HPSE2: variants seen among roughly 807,000 people sequenced by gnomAD.
The protein encoded by HPSE2 is inactive heparanase-2.
Under a neutral mutation model 60.5 loss-of-function variants are expected in HPSE2, and 38 were observed. The ratio of observed to expected loss-of-function variants is 0.63; its 90% confidence interval spans 0.48 to 0.82. The LOEUF is 0.82. Among genes scored for constraint, HPSE2 ranks in the 40% least tolerant of loss-of-function variants. The pLI, the probability that HPSE2 is intolerant of heterozygous loss-of-function variation, is 0.00. For missense variants in HPSE2, 713 were observed against 740.4 expected, an observed-to-expected ratio of 0.96 and a Z score of 0.43; for synonymous variants, 295 against 293.2, an observed-to-expected ratio of 1.01 and a Z score of -0.06.
chr10:98,929,988 A>T lies in HPSE2; in HGVS notation c.611-185932T>A, dbSNP rs939085295. Among the ~76,000 whole-genome samples, 22 of 143,458 alleles carry T rather than the reference A, an allele frequency of 1.5e-4. 2 individuals are homozygous for T. Among genetic ancestry groups the T allele is most frequent in the East Asian group, 5.9e-4 (3 of 5,076 alleles). 94.1% of individuals were successfully genotyped at this position (143,458 alleles called of 152,430 possible). ...ATCTCTTGTATATGAGTGCTTTTTT[A>T]AAAAAAATTAAGTTCTGGGATACCT... On this transcript the variant is annotated intron_variant, in intron 3 of 11. Coordinates refer to ENST00000370552, the MANE Select transcript of HPSE2 (RefSeq NM_021828.5).
In HPSE2 at chr10:99,009,064, T is replaced by C. The variant is rs193231086; in HGVS notation, c.610+135174A>G. Among the ~76,000 whole-genome samples, 111 of 152,154 alleles carry C rather than the reference T, an allele frequency of 7.3e-4. 2 individuals carry two copies. The highest frequency in any genetic ancestry group is 5.4e-3 in the South Asian group (26 of 4,814). The stretch of plus-strand genomic sequence containing the variant: ...AAAATCTGCATTTTTGGTTCAATTA[T>C]GTAGTTTTTCAGTGCAAAAGCTTTT... On this transcript the variant is annotated intron_variant, in intron 3 of 11. Coordinates refer to ENST00000370552, the MANE Select transcript of HPSE2 (RefSeq NM_021828.5).
At chr10:98,528,577 G>A (rs17459415) in intron 9 of HPSE2, among the ~76,000 whole-genome samples, 4,915 of 152,130 alleles carry the variant, frequency 0.032, 157 homozygotes, top group African/African-American at 0.085. Context: ...CAGGAGAGCC[G>A]GAGGAGAACA....
At chr10:98,788,372 T>C (rs1950575786) in intron 3 of HPSE2, among the ~76,000 whole-genome samples, 1 of 75,268 alleles carries the variant, frequency 1.3e-5, no homozygotes, top group African/African-American at 3.9e-5. Context: ...GACACTTAAG[T>C]CTGCAGAGGT....
chr10:98,926,181 T>C lies in HPSE2; in HGVS notation c.611-182125A>G, dbSNP rs1221266549. On this transcript the variant is annotated intron_variant, in intron 3 of 11. Coordinates refer to ENST00000370552, the MANE Select transcript of HPSE2 (RefSeq NM_021828.5). ...CTTTTTGTATGGCCATAGTAACTTA[T>C]TGAATGAATTTATAAAGCCACAAAT... Among the ~76,000 whole-genome samples, 7 of 152,302 alleles carry C rather than the reference T, an allele frequency of 4.6e-5. No individual in the cohort carries two copies. In the East Asian group the frequency reaches 5.8e-4, roughly 13 times the overall value.
intron 3 of HPSE2, among the ~76,000 whole-genome samples, chr10:98,901,927 C>T (rs1953678334): frequency 6.6e-6 from 1 of 152,082 alleles, no homozygotes; most frequent in African/African-American, 2.4e-5. Flanking sequence ...TTATAATTAC[C>T]AGCTCTCCTT....
intron 6 of HPSE2, among the ~76,000 whole-genome samples, chr10:98,677,956 T>C (rs1477313517): frequency 6.6e-6 from 1 of 152,218 alleles, no homozygotes; most frequent in African/African-American, 2.4e-5. Flanking sequence ...ATAGCTGCTC[T>C]TTCAATGACT....
At chr10:98,518,751 G>A (rs1423521572) in intron 9 of HPSE2, among the ~76,000 whole-genome samples, 1 of 151,876 alleles carries the variant, frequency 6.6e-6, no homozygotes, top group Admixed American at 6.6e-5. Flanking sequence ...TATCTCATCA[G>A]GTTGTTGTGA....
chr10:98,825,476 G>A (rs529117235), intron 3 of HPSE2, among the ~76,000 whole-genome samples: 1 of 152,216 alleles, frequency 6.6e-6, no homozygotes, highest in African/African-American at 2.4e-5. Flanking sequence ...ACTATTCAAG[G>A]GAGGCCTTCC....
At chr10:98,975,854 G>A (rs1013704537) in intron 3 of HPSE2, among the ~76,000 whole-genome samples, 13 of 152,226 alleles carry the variant, frequency 8.5e-5, no homozygotes, top group African/African-American at 3.1e-4. Context: ...AAAGAGTTCA[G>A]ATTCAGAAAA....
chr10:98,749,395 C>T (rs777798869), intron 3 of HPSE2, among the ~76,000 whole-genome samples: 23 of 151,088 alleles, frequency 1.5e-4, no homozygotes, highest in African/African-American at 2.2e-4. Flanking sequence ...GATATACATG[C>T]GTGTATATCT....
intron 3 of HPSE2, among the ~76,000 whole-genome samples, chr10:98,990,524 A>C (rs1352378151): frequency 6.6e-6 from 1 of 152,212 alleles, no homozygotes; most frequent in East Asian, 1.9e-4. Flanking sequence ...AGCTCCTGCT[A>C]TGCAGCCTGA....
intron 3 of HPSE2, among the ~76,000 whole-genome samples, chr10:99,134,876 T>C (rs1354982846): frequency 6.6e-6 from 1 of 152,106 alleles, no homozygotes; most frequent in East Asian, 1.9e-4. Context: ...ATATTAACCT[T>C]AAATGTAAAC....
chr10:98,819,519 A>G (rs1464510896), intron 3 of HPSE2, among the ~76,000 whole-genome samples: 3 of 151,362 alleles, frequency 2.0e-5, no homozygotes, highest in Non-Finnish European at 4.4e-5. Context: ...CTTTTCCCAT[A>G]AGGGTAAGAT....
At chr10:99,190,970 T>C (rs1247972637) in intron 2 of HPSE2, among the ~76,000 whole-genome samples, 1 of 151,974 alleles carries the variant, frequency 6.6e-6, no homozygotes, top group Non-Finnish European at 1.5e-5. Context: ...CTTGAGTGAA[T>C]ATTGGCAGTA....
At chr10:98,589,371 AC>A (rs1945024974) in intron 9 of HPSE2, among the ~76,000 whole-genome samples, 1 of 152,182 alleles carries the variant, frequency 6.6e-6, no homozygotes, top group Non-Finnish European at 1.5e-5. Flanking sequence ...TCTTTCAGCT[AC>A]CTGCCACCCC....
intron 9 of HPSE2, among the ~76,000 whole-genome samples, chr10:98,517,338 G>C (rs1942636129): frequency 6.6e-6 from 1 of 152,056 alleles, no homozygotes; most frequent in South Asian, 2.1e-4. Flanking sequence ...ATGTCCCTTG[G>C]GGAGCAAAAT....
intron 9 of HPSE2, among the ~76,000 whole-genome samples, chr10:98,509,825 C>T (rs1942328401): frequency 6.6e-6 from 1 of 152,078 alleles, no homozygotes; most frequent in African/African-American, 2.4e-5. Context: ...TGCTCAAATG[C>T]TTAACTCGGG....
At chr10:98,488,633 G>A (rs1441541280) in intron 10 of HPSE2, among the ~76,000 whole-genome samples, 1 of 152,170 alleles carries the variant, frequency 6.6e-6, no homozygotes, top group African/African-American at 2.4e-5. Context: ...TTTCCAACAG[G>A]GATATAAGGT....
intron 6 of HPSE2, among the ~76,000 whole-genome samples, chr10:98,671,036 A>G (rs958368869): frequency 6.6e-6 from 1 of 152,200 alleles, no homozygotes; most frequent in African/African-American, 2.4e-5. Flanking sequence ...TGTTAAAAAA[A>G]TTTTGGATTT....
Sources: gnomAD v4.1 joint callset for allele counts (sites outside exome capture counted in the v4.1 genomes callset) on GRCh38, gnomAD v4.1.1 for gene constraint, MANE v1.5 for transcripts, NCBI Gene and HGNC (gene_info 2026-07-23, HGNC 2026-07-21) for gene names.